Variants in NOL4 observed in about 807,000 individuals in gnomAD.
The protein encoded by NOL4 is nucleolar protein 4, also known as cancer/testis antigen 125.
NOL4 carries 17 observed loss-of-function variants against 75.9 expected under a neutral mutation model. The ratio of observed to expected loss-of-function variants is 0.22; its 90% CI spans 0.15 to 0.34. NOL4 has a LOEUF of 0.34. Among genes scored for constraint, NOL4 ranks in the 10% least tolerant of loss-of-function variants. The pLI is 1.00. For synonymous variants in NOL4, 292 were observed against 289.9 expected (o/e 1.01, Z -0.07); for missense variants, 614 against 793.5 (o/e 0.77, Z 2.72).
chr18:34,143,736 G>A (rs1051931840), intron 1 of NOL4, among the ~76,000 whole-genome samples: 8 of 151,674 alleles, frequency 5.3e-5, no homozygotes, highest in African/African-American at 7.3e-5. Flanking sequence ...GTGGTGGCAC[G>A]CACCTGTAAT....
At chr18:34,000,865 T>C (rs112154505) in intron 6 of NOL4, among the ~76,000 whole-genome samples, 2,335 of 152,284 alleles carry the variant, frequency 0.015, 29 homozygotes, top group Non-Finnish European at 0.025. Context: ...TACTGAATAA[T>C]GCTGTTATAA....
At position 33,927,124 on chromosome 18, in the gene NOL4, C is replaced by A. The variant is rs1299829761; in HGVS notation, c.1542+15941G>T. 2.0e-5 allele frequency among the ~76,000 whole-genome samples: 3 copies of A among 152,044 alleles called. No individual in the cohort carries two copies. In the South Asian group the frequency reaches 6.2e-4, roughly 32 times the overall value. On this transcript the variant is annotated intron_variant, in intron 9 of 10. Transcript: ENST00000261592. ...AAAACGTGATTGATCCTGCCATGTT[C>A]TGGGAGTTTCCTGAGTGCCAGAGTG...
chr18:33,852,996 C>G lies in NOL4; in HGVS notation c.1763G>C (p.Ser588Thr). 1 of 1,612,786 alleles carries G rather than the reference C, an allele frequency of 6.2e-7. No homozygotes were observed. The highest frequency in any genetic ancestry group is 8.5e-7 in the Non-Finnish European group (1 of 1,179,260). The part of the protein sequence containing the change: ...DLSMKRQLAT[S>T]SGSSSSSNSR... ...GTTTGAGCTGCTGGAGGATCCTGAG[C>G]TAGTCGCCAATTGTCTCTTCATGCT... Residue 588 changes from serine to threonine, a missense_variant, in exon 11 of 11, where the codon AGC (serine) becomes ACC (threonine). Ser to Thr is a moderately conservative substitution (Grantham distance 58). This residue lies in a region of NOL4 where 128 missense variants were observed against 159.9 expected (regional missense o/e 0.80). Coordinates refer to ENST00000261592, the MANE Select transcript of NOL4 (RefSeq NM_003787.5).
intron 6 of NOL4, among the ~76,000 whole-genome samples, chr18:33,988,167 C>T (rs1229913308): frequency 6.6e-6 from 1 of 151,950 alleles, no homozygotes; most frequent in Non-Finnish European, 1.5e-5. Context: ...AAAAGAAAAA[C>T]ACTGTCATAG....
At chr18:34,086,173 T>C (rs1290907322) in intron 5 of NOL4, among the ~76,000 whole-genome samples, 1 of 152,140 alleles carries the variant, frequency 6.6e-6, no homozygotes, top group Admixed American at 6.6e-5. Flanking sequence ...AAGAGCAGCA[T>C]TGTATCATTT....
chr18:34,003,383 C>A (rs920589068), intron 6 of NOL4, among the ~76,000 whole-genome samples: 5 of 151,990 alleles, frequency 3.3e-5, no homozygotes, highest in African/African-American at 1.2e-4. Context: ...TGTGGCATAT[C>A]GTACACCCTG....
At chr18:33,997,192 G>A (rs1431168922) in intron 6 of NOL4, among the ~76,000 whole-genome samples, 2 of 151,674 alleles carry the variant, frequency 1.3e-5, no homozygotes, top group Admixed American at 1.3e-4. Context: ...TATTTCCTAG[G>A]TTTTCTTGGA....
chr18:34,045,866 A>G (rs1395083230), intron 5 of NOL4, among the ~76,000 whole-genome samples: 1 of 152,202 alleles, frequency 6.6e-6, no homozygotes, highest in Non-Finnish European at 1.5e-5. Context: ...TTCATATTAT[A>G]GTATTATCTC....
intron 5 of NOL4, among the ~76,000 whole-genome samples, chr18:34,074,208 T>C (rs990681233): frequency 7.9e-5 from 12 of 151,514 alleles, no homozygotes; most frequent in African/African-American, 2.9e-4. Context: ...GATTTTTCAA[T>C]ATTCATATTT....
chr18:33,916,763 T>C lies in NOL4; in HGVS notation c.1542+26302A>G, dbSNP rs1453163715. On this transcript the variant is annotated intron_variant, in intron 9 of 10. Coordinates refer to ENST00000261592, the MANE Select transcript of NOL4 (RefSeq NM_003787.5). ...AGACATGCCTAGTACTAAATGTATC[T>C]ATGTTTAGGTATAACTTCAGATGTT... Among the ~76,000 whole-genome samples, 6 of 152,334 alleles carry C rather than the reference T, an allele frequency of 3.9e-5. No homozygotes were observed. In the East Asian group the frequency reaches 1.2e-3, roughly 29 times the overall value.
chr18:33,980,863 C>T (rs182746290), intron 6 of NOL4, among the ~76,000 whole-genome samples: 5 of 151,808 alleles, frequency 3.3e-5, no homozygotes, highest in African/African-American at 4.8e-5. Flanking sequence ...CAGAACCAGA[C>T]GCAGGTATGG....
At chr18:34,217,905 A>G (rs1442378731) in intron 1 of NOL4, among the ~76,000 whole-genome samples, 1 of 152,078 alleles carries the variant, frequency 6.6e-6, no homozygotes, top group African/African-American at 2.4e-5. Flanking sequence ...GTTAAACTTT[A>G]GCCGACCCAG....
chr18:33,985,796 C>T (rs2072396670), intron 6 of NOL4, among the ~76,000 whole-genome samples: 1 of 152,078 alleles, frequency 6.6e-6, no homozygotes, highest in Non-Finnish European at 1.5e-5. Flanking sequence ...GCATGAAATA[C>T]AGAAGTAGAT....
chr18:34,151,304 G>A (rs1032780891), intron 1 of NOL4, among the ~76,000 whole-genome samples: 1 of 151,788 alleles, frequency 6.6e-6, no homozygotes, highest in Non-Finnish European at 1.5e-5. Flanking sequence ...AAATTTGGAA[G>A]CAAACAAGAT....
chr18:34,153,233 C>T (rs1303075601), intron 1 of NOL4, among the ~76,000 whole-genome samples: 1 of 151,830 alleles, frequency 6.6e-6, no homozygotes, highest in East Asian at 1.9e-4. Flanking sequence ...TAACATTACA[C>T]TATTTCCAAT....
chr18:33,896,010 G>A (rs539683504), intron 9 of NOL4, among the ~76,000 whole-genome samples: 2 of 152,014 alleles, frequency 1.3e-5, no homozygotes, highest in African/African-American at 4.8e-5. Context: ...ACCACCAATA[G>A]CCAAACCAAG....
At position 33,854,626 on chromosome 18, in the gene NOL4, A is replaced by G. The variant is rs755489911; in HGVS notation, c.1724-1591T>C. Among the ~76,000 whole-genome samples, 50 of 151,742 alleles carry G rather than the reference A, an allele frequency of 3.3e-4. 1 individual carries two copies. The highest frequency in any genetic ancestry group is 3.8e-4 in the Non-Finnish European group (26 of 67,928). On this transcript the variant is annotated intron_variant, in intron 10 of 10. Transcript: ENST00000261592. ...GTGGTCTCCAGATGAACCCACTTTAAGTTTTGTTTTTCTTTATATTTAAGA... is the reference window on the plus strand; with the variant it reads ...GTGGTCTCCAGATGAACCCACTTTAGGTTTTGTTTTTCTTTATATTTAAGA...
chr18:34,040,759 C>T (rs17816744), intron 5 of NOL4, among the ~76,000 whole-genome samples: 65,415 of 151,596 alleles, frequency 0.43, 14,569 homozygotes, highest in South Asian at 0.52. Flanking sequence ...GGAGGATAAA[C>T]AACGAAAAGA....
At chr18:34,177,687 C>T (rs1000990467) in intron 1 of NOL4, among the ~76,000 whole-genome samples, 3 of 151,662 alleles carry the variant, frequency 2.0e-5, no homozygotes, top group Non-Finnish European at 4.4e-5. Flanking sequence ...AATGGCCAGA[C>T]GTCATGGAAG....
Sources: gnomAD v4.1 joint callset for allele counts (sites outside exome capture counted in the v4.1 genomes callset) on GRCh38, gnomAD v4.1.1 for gene constraint, gnomAD v4.1.1 regional missense constraint, MANE v1.5 for transcripts, NCBI Gene and HGNC (gene_info 2026-07-23, HGNC 2026-07-21) for gene names.